The following RBM10 variants were observed in gnomAD, a reference collection of about 807,000 sequenced individuals.
RBM10 encodes the protein RNA-binding protein 10.
RBM10 carries 1 observed loss-of-function variant against 84.9 expected under a neutral mutation model. The observed-to-expected ratio is 0.01, with a 90% CI of 0.00 to 0.06. The LOEUF (loss-of-function observed/expected upper bound fraction) is 0.06, where lower values mean the gene tolerates loss of function less well. RBM10 is among the 10% of genes least tolerant of loss of function. The probability of loss-of-function intolerance (pLI) is 1.00; values close to 1 mark genes in which losing one functional copy is unlikely to be tolerated. For missense variants in RBM10, 438 were observed against 839.0 expected, an observed-to-expected ratio of 0.52 and a Z score of 5.90; for synonymous variants, 326 against 344.5, an observed-to-expected ratio of 0.95 and a Z score of 0.60.
intron 2 of RBM10, among the ~76,000 whole-genome samples, chrX:47,161,593 C>T (rs937612977): frequency 5.1e-5 from 5 of 98,347 alleles, no homozygotes; most frequent in East Asian, 6.4e-4. Flanking sequence ...TGCAGTGGCG[C>T]GATCATGGCT....
chrX:47,177,788 AT>A (rs1241471058), intron 7 of RBM10, among the ~76,000 whole-genome samples: 1 of 110,000 alleles, frequency 9.1e-6, no homozygotes, highest in Non-Finnish European at 1.9e-5. Flanking sequence ...TTTTATTTTT[AT>A]TTTTTTTGGT....
At chrX:47,147,149 A>G (rs1932321045) in intron 1 of RBM10, among the ~76,000 whole-genome samples, 1 of 111,771 alleles carries the variant, frequency 8.9e-6, no homozygotes, top group East Asian at 2.8e-4. Context: ...TTTCTAGGGC[A>G]GTGGGCTCTA....
Position 47,171,021 on chromosome X carries a change from C to T in RBM10, c.202-7C>T, listed in dbSNP as rs1556772507. 9.9e-6 allele frequency: 12 copies of T among 1,207,490 alleles called. No homozygotes were observed. Among genetic ancestry groups the T allele is most frequent in the East Asian group, 3.0e-5 (1 of 33,701 alleles). ...TCTGGTGTCACTCATCTCATTCTGT[C>T]GGCCAGGATTCCTACGAGGCCTCCC... On this transcript the variant is annotated splice_region_variant and splice_polypyrimidine_tract_variant and intron_variant, in intron 3 of 23. Transcript: ENST00000377604.
At chrX:47,175,218 CT>C (rs1935044619) in intron 6 of RBM10, 126 bp downstream of exon 6, 3 of 517,500 alleles carry the variant, frequency 5.8e-6, no homozygotes, top group African/African-American at 2.4e-5. Flanking sequence ...CCCCCGCCCC[CT>C]CTCTCCCCTT....
chrX:47,148,635 C>T (rs1556762729), intron 2 of RBM10, among the ~76,000 whole-genome samples: 2 of 91,165 alleles, frequency 2.2e-5, no homozygotes, highest in Non-Finnish European at 4.4e-5. Context: ...TTCTATGATA[C>T]ATATCATAGA....
At chrX:47,156,869 G>A (rs1336970517) in intron 2 of RBM10, 2 of 196,196 alleles carry the variant, frequency 1.0e-5, no homozygotes, top group South Asian at 6.5e-5. Context: ...GGAGCTTGCT[G>A]TGCCTCAGTG....
intron 2 of RBM10, among the ~76,000 whole-genome samples, chrX:47,149,519 C>T (rs1421113131): frequency 1.8e-5 from 2 of 110,367 alleles, no homozygotes; most frequent in Non-Finnish European, 3.8e-5. Flanking sequence ...TGCCACCACG[C>T]CTGGCTAATT....
At chrX:47,171,594 G>C (rs1333692020) in intron 4 of RBM10, among the ~76,000 whole-genome samples, 2 of 112,850 alleles carry the variant, frequency 1.8e-5, no homozygotes, top group East Asian at 5.6e-4. Flanking sequence ...CGCTCACCGG[G>C]CCAGTGCTGG....
At chrX:47,181,474 C>G (rs2147187339) in intron 13 of RBM10, 33 bp from the exon 14 acceptor site, 1 of 1,211,248 alleles carries the variant, frequency 8.3e-7, no homozygotes, top group African/African-American at 1.7e-5. Context: ...CCATTATTCA[C>G]AGGCATTGTC....
At chrX:47,151,256 C>G (rs1453656501) in intron 2 of RBM10, among the ~76,000 whole-genome samples, 1 of 111,075 alleles carries the variant, frequency 9.0e-6, no homozygotes, top group East Asian at 2.8e-4. Flanking sequence ...ATCTTGAACT[C>G]CTGAGCTCCA....
intron 2 of RBM10, among the ~76,000 whole-genome samples, chrX:47,160,606 TAGTG>T (rs1336858884): frequency 5.0e-4 from 55 of 111,014 alleles, no homozygotes; most frequent in African/African-American, 1.7e-3. Flanking sequence ...AAAAACATGT[TAGTG>T]AGGCTGCAAA....
intron 2 of RBM10, among the ~76,000 whole-genome samples, chrX:47,154,804 A>G (rs1276587164): frequency 9.1e-6 from 1 of 109,984 alleles, no homozygotes; most frequent in Admixed American, 9.8e-5. Context: ...AGAACCTTAT[A>G]ACTACTCATA....
intron 1 of RBM10, 29 bp from the exon 2 acceptor site, chrX:47,147,328 G>C (rs782688384): frequency 3.4e-6 from 4 of 1,163,926 alleles, no homozygotes; most frequent in East Asian, 3.2e-5. Flanking sequence ...CAACAGTTTT[G>C]ACCCCTTTCT....
rs368611272 is a variant in RBM10 at position 47,185,421 on chromosome X, G to A, written c.2167-21G>A. ...GGCTCTGATCTGGCCAGGCCTGACC[G>A]CCCACCCTCACCCTCTACAGAGCCC... On this transcript the variant is annotated intron_variant, in intron 19 of 23. Transcript: ENST00000377604. The A allele has an allele frequency of 2.7e-5, 32 of 1,173,993 alleles. 1 individual carries two copies. In the African/African-American group the frequency reaches 2.8e-4, roughly 10 times the overall value.
chrX:47,150,384 G>A (rs1932731529), intron 2 of RBM10, among the ~76,000 whole-genome samples: 1 of 110,469 alleles, frequency 9.1e-6, no homozygotes, highest in African/African-American at 3.3e-5. Flanking sequence ...TAGCCAGGAT[G>A]GTCTCGATCT....
At chrX:47,163,950 GCTCC>G (rs2147113480) in intron 2 of RBM10, among the ~76,000 whole-genome samples, 1 of 92,382 alleles carries the variant, frequency 1.1e-5, no homozygotes, top group African/African-American at 4.3e-5. Context: ...CTCACTGCAA[GCTCC>G]ACCTCCCGGA....
intron 17 of RBM10, 58 bp from the exon 18 acceptor site, chrX:47,184,997 G>A (rs1157039942): frequency 3.4e-6 from 4 of 1,160,948 alleles, no homozygotes; most frequent in East Asian, 6.3e-5. Context: ...AGCAGATAGA[G>A]TTAGTAGCCC....
In RBM10 at chrX:47,185,041, A is replaced by G. The variant is rs2147209388; in HGVS notation, c.1951-14A>G. ...TGAGGGTTCTGGGAACCTCACCTCC[A>G]CCCTCACCCCCAGATTGCCAAGGAC... On this transcript the variant is annotated splice_polypyrimidine_tract_variant and intron_variant, in intron 17 of 23. Coordinates refer to ENST00000377604, the MANE Select transcript of RBM10 (RefSeq NM_005676.5). The G allele has an allele frequency of 5.8e-6, 7 of 1,204,541 alleles. No individual in the cohort carries two copies. Among genetic ancestry groups the G allele is most frequent in the Non-Finnish European group, 7.8e-6 (7 of 892,133 alleles).
At chrX:47,162,875 A>T (rs1933848336) in intron 2 of RBM10, among the ~76,000 whole-genome samples, 1 of 109,955 alleles carries the variant, frequency 9.1e-6, no homozygotes, top group African/African-American at 3.3e-5. Flanking sequence ...ATCTCAAAAA[A>T]AAAAAATAGA....
Sources: gnomAD v4.1 joint callset for allele counts (sites outside exome capture counted in the v4.1 genomes callset) on GRCh38, gnomAD v4.1.1 for gene constraint, MANE v1.5 for transcripts, NCBI Gene and HGNC (gene_info 2026-07-23, HGNC 2026-07-21) for gene names.